Variants in FRMPD3 observed in about 807,000 individuals in gnomAD.
The protein encoded by FRMPD3 is FERM and PDZ domain containing 3, also known as FERM and PDZ domain-containing protein 3.
A neutral mutation model predicts 97.9 loss-of-function variants in FRMPD3; 42 were observed. The ratio of observed to expected loss-of-function variants is 0.43; its 90% CI spans 0.34 to 0.55. The LOEUF (loss-of-function observed/expected upper bound fraction) is 0.55. FRMPD3 is among the 20% of genes least tolerant of loss of function. FRMPD3 has a pLI of 0.03. For synonymous variants in FRMPD3, 577 were observed against 581.1 expected, an observed-to-expected ratio of 0.99 and a Z score of 0.10; for missense variants, 1,303 against 1,457.7, an observed-to-expected ratio of 0.89 and a Z score of 1.73.
At chrX:107,502,580 G>A (rs975545835) in intron 1 of FRMPD3, among the ~76,000 whole-genome samples, 2 of 110,789 alleles carry the variant, frequency 1.8e-5, no homozygotes, top group African/African-American at 6.6e-5. Flanking sequence ...TTCATTCTGT[G>A]AAACAACCAG....
At chrX:107,579,821 G>A (rs1923301387) in intron 13 of FRMPD3, among the ~76,000 whole-genome samples, 2 of 111,374 alleles carry the variant, frequency 1.8e-5, no homozygotes. Flanking sequence ...CTCACTCTAC[G>A]TTTTCTACCA....
intron 1 of FRMPD3, among the ~76,000 whole-genome samples, chrX:107,465,200 G>A (rs1440754171): frequency 2.7e-5 from 3 of 111,435 alleles, no homozygotes; most frequent in African/African-American, 9.8e-5. Context: ...GGCTGGGTGC[G>A]GTGGCTCACA....
chrX:107,562,532 G>T (rs1249165408), intron 10 of FRMPD3, among the ~76,000 whole-genome samples: 1 of 112,510 alleles, frequency 8.9e-6, no homozygotes, highest in Non-Finnish European at 1.9e-5. Flanking sequence ...GGCTAGAGAA[G>T]AGGGATGGAT....
At chrX:107,464,065 CAT>C (rs1186700285) in intron 1 of FRMPD3, among the ~76,000 whole-genome samples, 1 of 111,567 alleles carries the variant, frequency 9.0e-6, no homozygotes, top group Non-Finnish European at 1.9e-5. Context: ...TAGACAAAAA[CAT>C]GTGGGTGGGA....
intron 1 of FRMPD3, among the ~76,000 whole-genome samples, chrX:107,498,362 T>C (rs1005930835): frequency 8.9e-6 from 1 of 112,079 alleles, no homozygotes; most frequent in Non-Finnish European, 1.9e-5. Context: ...ATGGCTACCC[T>C]GTGTTGTTGT....
At chrX:107,487,213 C>T (rs185290962) in intron 1 of FRMPD3, among the ~76,000 whole-genome samples, 12 of 110,985 alleles carry the variant, frequency 1.1e-4, no homozygotes, top group South Asian at 3.8e-4. Context: ...GAGATCGCAC[C>T]GCTGCACTCC....
intron 4 of FRMPD3, among the ~76,000 whole-genome samples, chrX:107,541,042 A>G (rs1377663399): frequency 8.8e-6 from 1 of 113,276 alleles, no homozygotes; most frequent in Non-Finnish European, 1.9e-5. Context: ...TAGGCAATAC[A>G]TAAATGAAGA....
intron 13 of FRMPD3, among the ~76,000 whole-genome samples, chrX:107,596,765 A>G (rs1399397978): frequency 8.9e-6 from 1 of 112,222 alleles, no homozygotes; most frequent in Non-Finnish European, 1.9e-5. Context: ...CCCTCCATCA[A>G]CAGGCCTCTT....
At chrX:107,516,532 C>G (rs1315246484) in intron 1 of FRMPD3, among the ~76,000 whole-genome samples, 4 of 111,478 alleles carry the variant, frequency 3.6e-5, no homozygotes, top group African/African-American at 1.3e-4. Context: ...TCCCCTCCAG[C>G]ACCTGTTGTT....
chrX:107,494,549 G>A lies in FRMPD3; in HGVS notation c.-7-32033G>A, dbSNP rs184152027. 6.1e-3 allele frequency among the ~76,000 whole-genome samples: 681 copies of A among 111,706 alleles called. 5 individuals are homozygous for A. The highest frequency in any genetic ancestry group is 9.3e-3 in the Non-Finnish European group (495 of 53,132). On this transcript the variant is annotated intron_variant, in intron 1 of 14. Transcript: ENST00000683843. ...CTTATACAAAATCCACAGGCTTTTCGGGGGACTGAAGGTGCACAGATTGTT... is the reference window on the plus strand; with the variant it reads ...CTTATACAAAATCCACAGGCTTTTCAGGGGACTGAAGGTGCACAGATTGTT...
intron 4 of FRMPD3, among the ~76,000 whole-genome samples, chrX:107,543,441 G>T (rs1921412380): frequency 9.0e-6 from 1 of 110,984 alleles, no homozygotes; most frequent in Admixed American, 9.6e-5. Context: ...TAACCTGGTG[G>T]CTGTCTCTCC....
At chrX:107,523,848 A>T (rs1922592624) in intron 1 of FRMPD3, among the ~76,000 whole-genome samples, 1 of 112,387 alleles carries the variant, frequency 8.9e-6, no homozygotes, top group African/African-American at 3.2e-5. Context: ...CAGAAGTGGT[A>T]GTACCTCAAG....
intron 5 of FRMPD3, among the ~76,000 whole-genome samples, chrX:107,549,570 G>A (rs1921769460): frequency 9.0e-6 from 1 of 111,437 alleles, no homozygotes; most frequent in Non-Finnish European, 1.9e-5. Context: ...GCCTAGGGAG[G>A]GGAAAAGGCA....
chrX:107,481,056 G>A (rs1485277833), intron 1 of FRMPD3, among the ~76,000 whole-genome samples: 1 of 111,624 alleles, frequency 9.0e-6, no homozygotes, highest in Non-Finnish European at 1.9e-5. Flanking sequence ...ACATCTTCTA[G>A]GTGGGGGTCA....
At chrX:107,570,736 C>G (rs755010463) in intron 12 of FRMPD3, among the ~76,000 whole-genome samples, 1 of 111,687 alleles carries the variant, frequency 9.0e-6, no homozygotes, top group Non-Finnish European at 1.9e-5. Context: ...CCCCTCCAGG[C>G]CCCTTGATTC....
At chrX:107,599,169 A>G (rs917432872) in intron 14 of FRMPD3, among the ~76,000 whole-genome samples, 1 of 110,289 alleles carries the variant, frequency 9.1e-6, no homozygotes, top group African/African-American at 3.3e-5. Context: ...GCTACTCAGG[A>G]GGCTGAGGCA....
intron 1 of FRMPD3, among the ~76,000 whole-genome samples, chrX:107,460,157 G>A (rs1475368291): frequency 9.0e-6 from 1 of 111,016 alleles, no homozygotes. Flanking sequence ...CCCTTCTGAT[G>A]GAAAAACCCA....
chrX:107,603,352 C>G lies in FRMPD3; in HGVS notation c.5313C>G (p.Ser1771=). Residue 1771 remains serine, a synonymous_variant, in exon 15 of 15, where the codon TCC becomes TCG. Transcript: ENST00000683843. ...CTGTTATGAGCACATTCACCCACTC[C>G]TTAAAAACCCTTATTAAGTAGGGCA... ...SATVMSTFTH[S]LKTLIK 1 of 1,145,597 alleles carries G rather than the reference C, an allele frequency of 8.7e-7. No homozygotes were observed. Among genetic ancestry groups the G allele is most frequent in the East Asian group, 3.3e-5 (1 of 30,382 alleles). 94.4% of individuals were successfully genotyped at this position (1,145,597 alleles called of 1,213,427 possible). A position where few individuals can be genotyped will look rare whatever the true frequency, so the allele number is the denominator to read the frequency against.
chrX:107,497,986 C>T (rs1410851955), intron 1 of FRMPD3, among the ~76,000 whole-genome samples: 1 of 111,463 alleles, frequency 9.0e-6, no homozygotes, highest in East Asian at 2.8e-4. Flanking sequence ...TCACTGCTCC[C>T]CGATCTTACC....
Sources: allele counts gnomAD v4.1 joint callset (sites outside exome capture counted in the v4.1 genomes callset), GRCh38; gene constraint gnomAD v4.1.1; transcripts MANE v1.5; gene names NCBI Gene and HGNC (gene_info 2026-07-23, HGNC 2026-07-21).